Variants in GAPVD1 observed in about 807,000 individuals in gnomAD.
GAPVD1 encodes GTPase activating protein and VPS9 domains 1, also known as GTPase-activating protein and VPS9 domain-containing protein 1.
A neutral mutation model predicts 155.5 loss-of-function variants in GAPVD1; 35 were observed. The observed-to-expected ratio is 0.23, with a 90% confidence interval of 0.17 to 0.30. GAPVD1 has a LOEUF of 0.30. Ranked by LOEUF, GAPVD1 falls within the 10% of genes least tolerant of loss-of-function variation. The pLI, the probability that GAPVD1 is intolerant of heterozygous loss-of-function variation, is 1.00. For missense variants in GAPVD1, 1,429 were observed against 1,775.7 expected, an observed-to-expected ratio of 0.80 and a Z score of 3.51; for synonymous variants, 636 against 619.7, an observed-to-expected ratio of 1.03 and a Z score of -0.39.
At chr9:125,291,210 G>C (rs1215327426) in intron 2 of GAPVD1, among the ~76,000 whole-genome samples, 1 of 152,104 alleles carries the variant, frequency 6.6e-6, no homozygotes, top group Non-Finnish European at 1.5e-5. Flanking sequence ...GATTGCTTGA[G>C]CCTGGGAGGT....
At chr9:125,311,554 G>A (rs1036247068) in intron 8 of GAPVD1, among the ~76,000 whole-genome samples, 8 of 152,234 alleles carry the variant, frequency 5.3e-5, no homozygotes, top group African/African-American at 1.9e-4. Flanking sequence ...CCAGGAGGCG[G>A]TGATCGCAAT....
intron 2 of GAPVD1, among the ~76,000 whole-genome samples, chr9:125,276,879 C>T (rs768340420): frequency 6.6e-6 from 1 of 152,080 alleles, no homozygotes; most frequent in Non-Finnish European, 1.5e-5. Context: ...TCATATCAGC[C>T]TCCTGAGAAC....
Position 125,350,384 on chromosome 9 carries a change from C to G in GAPVD1, c.3389C>G (p.Pro1130Arg), listed in dbSNP as rs1332615715. 6.2e-7 allele frequency: 1 copy of G among 1,601,570 alleles called. No homozygotes were observed. The highest frequency in any genetic ancestry group is 8.6e-7 in the Non-Finnish European group (1 of 1,169,188). ...ACCCATTCAACAAGGAATGGTTTAC[C>G]AGACCACACAGACCCAGAAGGTAAA... Reference protein sequence around the residue: ...VLTHSTRNGLPDHTDPEDNEI... With the variant: ...VLTHSTRNGLRDHTDPEDNEI... Residue 1130 changes from proline (P) to arginine (R), a missense_variant, in exon 22 of 28, where the codon CCA becomes CGA. Pro to Arg is a moderately radical substitution (Grantham distance 103, BLOSUM62 -2). Transcript: ENST00000297933.
At chr9:125,308,250 A>T in intron 8 of GAPVD1, 1 of 252,566 alleles carries the variant, frequency 4.0e-6, no homozygotes, top group Non-Finnish European at 7.6e-6. Context: ...GGAGGCTGAG[A>T]TGGGGAGATT....
chr9:125,300,340 C>G (rs1000613642), intron 4 of GAPVD1, among the ~76,000 whole-genome samples: 2 of 150,430 alleles, frequency 1.3e-5, no homozygotes, highest in East Asian at 2.0e-4. Flanking sequence ...TGCCACCATG[C>G]CTGGCTAATT....
chr9:125,361,408 C>A (rs1850895360), intron 27 of GAPVD1, among the ~76,000 whole-genome samples: 2 of 151,888 alleles, frequency 1.3e-5, no homozygotes, highest in South Asian at 2.1e-4. Context: ...CCTGTAATCG[C>A]AGCTACTTGG....
chr9:125,337,608 G>T lies in GAPVD1; in HGVS notation c.2877+17G>T. On this transcript the variant is annotated intron_variant, in intron 17 of 27. Coordinates refer to ENST00000297933, the MANE Select transcript of GAPVD1 (RefSeq NM_001282680.3). ...AGAGGAGAGGTATGGGACATAGGCC[G>T]TGAAAAAGAATTATGTTCTGCCTGC... The T allele has an allele frequency of 6.3e-7, 1 of 1,589,544 alleles. No homozygotes were observed. The highest frequency in any genetic ancestry group is 8.6e-7 in the Non-Finnish European group (1 of 1,167,316).
intron 2 of GAPVD1, among the ~76,000 whole-genome samples, chr9:125,290,455 A>T (rs1462314949): frequency 1.3e-5 from 2 of 152,184 alleles, no homozygotes; most frequent in African/African-American, 4.8e-5. Flanking sequence ...AAGTAGAAAG[A>T]GCATAGATGT....
At position 125,366,833 on chromosome 9, in the gene GAPVD1, A is replaced by G. The variant is rs534764992; in HGVS notation, c.*4087A>G. 1 of 152,322 alleles carries G rather than the reference A, an allele frequency of 6.6e-6. No individual in the cohort carries two copies. Among genetic ancestry groups the G allele is most frequent in the South Asian group, 2.1e-4 (1 of 4,828 alleles). 9.4% of individuals were successfully genotyped at this position (152,322 alleles called of 1,614,324 possible). A position where few individuals can be genotyped will look rare whatever the true frequency, so the allele number is the denominator to read the frequency against. The stretch of plus-strand genomic sequence containing the variant: ...GAAAATATAGTTTGCTTCCGTGTTA[A>G]GTTGTGGTTGAGCTATGGAGTGACC... On this transcript the variant is annotated 3_prime_UTR_variant, in exon 28 of 28. Transcript: ENST00000297933.
chr9:125,359,413 T>G lies in GAPVD1; in HGVS notation c.3972-7T>G. 1 of 1,543,840 alleles carries G rather than the reference T, an allele frequency of 6.5e-7. No homozygotes were observed. On this transcript the variant is annotated splice_region_variant and splice_polypyrimidine_tract_variant and intron_variant, in intron 25 of 27. Coordinates refer to ENST00000297933, the MANE Select transcript of GAPVD1 (RefSeq NM_001282680.3). ...ATGTTTACATGTGTATTTTGGGGGG[T>G]TTTCAGGGTTCTTCATGAACATATC...
intron 17 of GAPVD1, 151 bp from the exon 18 acceptor site, chr9:125,341,026 A>C (rs1847778295): frequency 1.6e-6 from 1 of 627,586 alleles, no homozygotes; most frequent in Non-Finnish European, 2.9e-6. Flanking sequence ...TCGAGGCTGC[A>C]GTGAGCTGTG....
intron 2 of GAPVD1, among the ~76,000 whole-genome samples, chr9:125,272,092 C>T (rs756757306): frequency 3.3e-5 from 5 of 151,588 alleles, no homozygotes; most frequent in Non-Finnish European, 5.9e-5. Context: ...GGCATGATCT[C>T]GGCTCACTTC....
chr9:125,336,847 CAG>C (rs1276157007), intron 15 of GAPVD1, 169 bp from the exon 16 acceptor site: 3 of 582,990 alleles, frequency 5.1e-6, no homozygotes, highest in Admixed American at 3.2e-5. Flanking sequence ...CTCATAAAAA[CAG>C]AAAATGAATT....
chr9:125,326,172 C>T (rs995315575), intron 11 of GAPVD1, among the ~76,000 whole-genome samples: 1 of 152,174 alleles, frequency 6.6e-6, no homozygotes, highest in African/African-American at 2.4e-5. Flanking sequence ...TAGCAAACTT[C>T]CTGGGAGATT....
intron 15 of GAPVD1, among the ~76,000 whole-genome samples, chr9:125,334,523 ATAT>A (rs1444446776): frequency 2.0e-5 from 3 of 152,172 alleles, no homozygotes; most frequent in African/African-American, 4.8e-5. Context: ...TTTTCATGAA[ATAT>A]TATTTTTACT....
chr9:125,341,561 A>G (rs1589052680), intron 18 of GAPVD1: 1 of 210,118 alleles, frequency 4.8e-6, no homozygotes, highest in African/African-American at 2.3e-5. Flanking sequence ...TGACATATAT[A>G]TTGCTATTAA....
At chr9:125,354,410 T>C (rs1164333436) in intron 23 of GAPVD1, among the ~76,000 whole-genome samples, 2 of 152,172 alleles carry the variant, frequency 1.3e-5, no homozygotes, top group Non-Finnish European at 2.9e-5. Flanking sequence ...TTCAGCCCCA[T>C]AGATCCTCCC....
At chr9:125,321,399 AT>A (rs749629298) in intron 9 of GAPVD1, 33 bp from the exon 10 acceptor site, 2 of 1,567,252 alleles carry the variant, frequency 1.3e-6, no homozygotes, top group Non-Finnish European at 1.8e-6. Flanking sequence ...TAATCTTTCC[AT>A]TGATAAACCA....
chr9:125,266,754 G>A (rs551608350), intron 1 of GAPVD1, among the ~76,000 whole-genome samples: 1 of 151,318 alleles, frequency 6.6e-6, no homozygotes, highest in Non-Finnish European at 1.5e-5. Context: ...TGTTCGTTTT[G>A]TTTTTTTCTT....
Sources: gnomAD v4.1 joint callset for allele counts (sites outside exome capture counted in the v4.1 genomes callset) on GRCh38, gnomAD v4.1.1 for gene constraint, MANE v1.5 for transcripts, NCBI Gene and HGNC (gene_info 2026-07-23, HGNC 2026-07-21) for gene names.